Variants in PPARGC1A observed in about 807,000 individuals in gnomAD.
The protein encoded by PPARGC1A is peroxisome proliferator-activated receptor gamma coactivator 1-alpha.
Under a neutral mutation model 88.7 loss-of-function variants are expected in PPARGC1A, and 25 were observed. That is an observed-to-expected ratio of 0.28 (90% confidence interval 0.21 to 0.39). The LOEUF is 0.39. Among genes scored for constraint, PPARGC1A ranks in the 10% least tolerant of loss-of-function variants. The pLI is 1.00. For synonymous variants in PPARGC1A, 363 were observed against 355.6 expected, an observed-to-expected ratio of 1.02 and a Z score of -0.24; for missense variants, 880 against 968.7, an observed-to-expected ratio of 0.91 and a Z score of 1.22.
At chr4:24,472,067 G>T in the PPARGC1A span, among the ~76,000 whole-genome samples, 2 of 152,174 alleles carry the variant, frequency 1.3e-5, no homozygotes, top group African/African-American at 4.8e-5. This position sits in a 1 kb window ranked among gnomAD's most constrained non-coding sequence, Gnocchi z 4.5. Flanking sequence ...GCCTGGAGTT[G>T]TTCGGGGTAA....
chr4:23,857,373 G>GTGTGTAC lies in PPARGC1A; in HGVS notation c.235-25623_235-25622insGTACACA, dbSNP rs148212399. Among the ~76,000 whole-genome samples, 48 of 104,444 alleles carry GTGTGTAC rather than the reference G, an allele frequency of 4.6e-4. No homozygotes were observed. The Middle Eastern group carries it at 0.023, about 51-fold the overall frequency. The allele number at this position is 104,444 out of a possible 152,430, so 68.5% of individuals were successfully genotyped here. ...ATTTAGTATGTGCGTGTGTGTGTGTGACACACACACACACGCACGTACTAA... is the reference window on the plus strand; with the variant it reads ...ATTTAGTATGTGCGTGTGTGTGTGTGTGTGTACACACACACACACACGCACGTACTAA... On this transcript the variant is annotated intron_variant, in intron 2 of 12. Coordinates refer to ENST00000264867, the MANE Select transcript of PPARGC1A (RefSeq NM_013261.5).
chr4:23,868,265 T>C (rs1050808250), intron 2 of PPARGC1A, among the ~76,000 whole-genome samples: 1 of 152,184 alleles, frequency 6.6e-6, no homozygotes, highest in Admixed American at 6.5e-5. Context: ...ACAGCAAGTC[T>C]TGTAGCTGAG....
chr4:23,940,592 A>G, the PPARGC1A span, among the ~76,000 whole-genome samples: 1 of 152,246 alleles, frequency 6.6e-6, no homozygotes, highest in Non-Finnish European at 1.5e-5. Context: ...TCTACATGCT[A>G]ATGAAAATAT....
the PPARGC1A span, among the ~76,000 whole-genome samples, chr4:24,333,940 C>CAAAAAAAAAAAAAAAAA: frequency 7.2e-5 from 1 of 13,830 alleles, no homozygotes; most frequent in African/African-American, 1.9e-4. Context: ...ACAACAACAA[C>CAAAAAAAAAAAAAAAAA]AAAAAAAAAA....
the PPARGC1A span, among the ~76,000 whole-genome samples, chr4:24,111,727 G>T: frequency 1.3e-5 from 2 of 152,152 alleles, no homozygotes; most frequent in Non-Finnish European, 2.9e-5. Context: ...ATGCTTAGGA[G>T]GTGGGTTAAC....
chr4:24,082,854 G>A, the PPARGC1A span, among the ~76,000 whole-genome samples: 1 of 152,082 alleles, frequency 6.6e-6, no homozygotes. Context: ...ATGAATGTGG[G>A]ATACAGGAGT....
the PPARGC1A span, among the ~76,000 whole-genome samples, chr4:24,204,919 G>A: frequency 1.3e-5 from 2 of 152,076 alleles, no homozygotes; most frequent in Non-Finnish European, 2.9e-5. Context: ...TACCTCACGG[G>A]TCCAAGCAAT....
At chr4:23,964,019 A>G in the PPARGC1A span, among the ~76,000 whole-genome samples, 2 of 152,194 alleles carry the variant, frequency 1.3e-5, no homozygotes, top group Non-Finnish European at 2.9e-5. Context: ...CATTTTGGCT[A>G]AGGGAAAACC....
At chr4:24,289,318 G>A in the PPARGC1A span, among the ~76,000 whole-genome samples, 1 of 150,640 alleles carries the variant, frequency 6.6e-6, no homozygotes, top group Non-Finnish European at 1.5e-5. Context: ...CTCCATTTCA[G>A]CAAATCCATG....
intron 2 of PPARGC1A, among the ~76,000 whole-genome samples, chr4:23,877,028 T>C (rs999155634): frequency 9.9e-5 from 15 of 152,150 alleles, no homozygotes; most frequent in African/African-American, 3.6e-4. Context: ...CAAAAGTATC[T>C]TCTATCATCA....
At chr4:24,092,019 T>C in the PPARGC1A span, among the ~76,000 whole-genome samples, 40 of 152,032 alleles carry the variant, frequency 2.6e-4, no homozygotes, top group South Asian at 6.2e-4. Context: ...TGGTGTATCC[T>C]AGAAGAAATA....
chr4:24,305,126 T>C, the PPARGC1A span, among the ~76,000 whole-genome samples: 2 of 92,610 alleles, frequency 2.2e-5, no homozygotes, highest in South Asian at 4.0e-4. Context: ...CATACATATA[T>C]GTGTATGTAT....
intron 2 of PPARGC1A, among the ~76,000 whole-genome samples, chr4:23,840,468 A>G (rs1726863966): frequency 6.6e-6 from 1 of 152,070 alleles, no homozygotes; most frequent in Admixed American, 6.6e-5. Context: ...CTTCTGCCAG[A>G]GGGCCACATG....
At chr4:23,972,180 T>C in the PPARGC1A span, among the ~76,000 whole-genome samples, 1 of 152,196 alleles carries the variant, frequency 6.6e-6, no homozygotes, top group South Asian at 2.1e-4. Flanking sequence ...GAGGTGGTGC[T>C]TAGGAGTAAT....
the PPARGC1A span, among the ~76,000 whole-genome samples, chr4:24,197,438 C>T: frequency 6.6e-6 from 1 of 152,124 alleles, no homozygotes; most frequent in African/African-American, 2.4e-5. Context: ...AGGAAAAGGG[C>T]CTCTCTCTCT....
the PPARGC1A span, among the ~76,000 whole-genome samples, chr4:24,448,205 T>G: frequency 8.5e-5 from 13 of 152,224 alleles, no homozygotes; most frequent in Non-Finnish European, 1.9e-4. Context: ...GAAACAGCCT[T>G]GGCCCAGGAG....
chr4:24,453,519 G>A, the PPARGC1A span, among the ~76,000 whole-genome samples: 1 of 152,232 alleles, frequency 6.6e-6, no homozygotes, highest in African/African-American at 2.4e-5. Context: ...AGTGGCACAC[G>A]CCTGTAATTC....
At chr4:24,113,402 G>T in the PPARGC1A span, among the ~76,000 whole-genome samples, 1 of 152,308 alleles carries the variant, frequency 6.6e-6, no homozygotes, top group East Asian at 1.9e-4. Context: ...AATATTTACT[G>T]TGAACAAACT....
the PPARGC1A span, among the ~76,000 whole-genome samples, chr4:24,238,743 ATATGTGTGTGTGTG>A: frequency 2.5e-4 from 30 of 118,642 alleles, 1 homozygote; most frequent in South Asian, 8.5e-4. Flanking sequence ...CCAAGGTTGT[ATATGTGTGTGTGTG>A]TGTGTGTGTG....
Sources: gnomAD v4.1 joint callset for allele counts (sites outside exome capture counted in the v4.1 genomes callset) on GRCh38, gnomAD v4.1.1 for gene constraint, Gnocchi (gnomAD v3.1) non-coding constraint, MANE v1.5 for transcripts, NCBI Gene and HGNC (gene_info 2026-07-23, HGNC 2026-07-21) for gene names.